The following CTNND2 variants were observed in gnomAD, a reference collection of about 807,000 sequenced individuals.
CTNND2 encodes the protein catenin delta-2.
CTNND2 carries 22 observed loss-of-function variants against 144.4 expected under a neutral mutation model. That is an observed-to-expected ratio of 0.15 (90% CI 0.11 to 0.22). CTNND2 has a LOEUF of 0.22. Ranked by LOEUF, CTNND2 falls within the 10% of genes least tolerant of loss-of-function variation. CTNND2 has a pLI of 1.00. For synonymous variants in CTNND2, 751 were observed against 695.6 expected (o/e 1.08, Z -1.25); for missense variants, 1,353 against 1,618.8 (o/e 0.84, Z 2.82).
intron 10 of CTNND2, among the ~76,000 whole-genome samples, chr5:11,231,563 T>G (rs959177682): frequency 1.3e-5 from 2 of 152,126 alleles, no homozygotes; most frequent in African/African-American, 4.8e-5. Flanking sequence ...GCTCTAGAGA[T>G]CTGTGGAGCT....
At chr5:11,587,503 A>G (rs539235136) in intron 2 of CTNND2, among the ~76,000 whole-genome samples, 1 of 152,046 alleles carries the variant, frequency 6.6e-6, no homozygotes, top group Non-Finnish European at 1.5e-5. Context: ...GGCAATTAAC[A>G]TATTAAAACA....
intron 2 of CTNND2, among the ~76,000 whole-genome samples, chr5:11,701,538 GAATT>G (rs1047753328): frequency 2.6e-5 from 4 of 152,132 alleles, no homozygotes; most frequent in Admixed American, 6.6e-5. Context: ...ATGAAATACA[GAATT>G]ATTAATGAGT....
intron 3 of CTNND2, among the ~76,000 whole-genome samples, chr5:11,468,866 T>G (rs970003310): frequency 6.6e-6 from 1 of 152,140 alleles, no homozygotes; most frequent in East Asian, 1.9e-4. Flanking sequence ...GTGGGATTCT[T>G]GCACGATCAA....
chr5:11,421,361 A>T (rs1262259364), intron 3 of CTNND2, among the ~76,000 whole-genome samples: 1 of 152,048 alleles, frequency 6.6e-6, no homozygotes. Context: ...CCTGTCACAC[A>T]CCTGCTTCTT....
At chr5:11,533,069 G>A (rs553910130) in intron 3 of CTNND2, among the ~76,000 whole-genome samples, 18 of 152,310 alleles carry the variant, frequency 1.2e-4, no homozygotes, top group Non-Finnish European at 1.9e-4. Flanking sequence ...CCCAGGGGGC[G>A]GAGAAGAGGA....
chr5:11,119,466 C>A (rs1218866705), intron 12 of CTNND2, among the ~76,000 whole-genome samples: 3 of 152,150 alleles, frequency 2.0e-5, no homozygotes, highest in African/African-American at 7.2e-5. Flanking sequence ...TAAATTCCAT[C>A]CTGTGATGGC....
At chr5:11,754,645 G>A (rs1272596787) in intron 1 of CTNND2, among the ~76,000 whole-genome samples, 2 of 151,684 alleles carry the variant, frequency 1.3e-5, no homozygotes, top group Admixed American at 6.6e-5. Flanking sequence ...CTCCTGTCTT[G>A]GGTGCATATA....
intron 2 of CTNND2, among the ~76,000 whole-genome samples, chr5:11,610,828 A>C (rs958170420): frequency 3.1e-4 from 47 of 152,204 alleles, no homozygotes; most frequent in African/African-American, 1.1e-3. Context: ...GGTAGAAAAC[A>C]ATATTTTTTA....
chr5:11,775,712 G>A (rs1201242068), intron 1 of CTNND2, among the ~76,000 whole-genome samples: 1 of 152,246 alleles, frequency 6.6e-6, no homozygotes, highest in African/African-American at 2.4e-5. Flanking sequence ...GGGACTCTGA[G>A]TAGAGTATGT....
At chr5:11,584,635 T>C (rs1040354620) in intron 2 of CTNND2, among the ~76,000 whole-genome samples, 2 of 152,154 alleles carry the variant, frequency 1.3e-5, no homozygotes, top group Admixed American at 6.5e-5. Flanking sequence ...TAATTAAACA[T>C]ATCAAAGGTA....
chr5:11,901,771 T>C (rs1048123709), intron 1 of CTNND2, among the ~76,000 whole-genome samples: 1 of 152,196 alleles, frequency 6.6e-6, no homozygotes, highest in African/African-American at 2.4e-5. Flanking sequence ...ATATGTAGTT[T>C]TTCACATGCC....
intron 15 of CTNND2, among the ~76,000 whole-genome samples, chr5:11,087,473 C>G (rs1188514637): frequency 1.3e-5 from 2 of 152,162 alleles, no homozygotes; most frequent in African/African-American, 2.4e-5. Flanking sequence ...GGTTCCTGCT[C>G]TAGGATTTAT....
chr5:11,868,239 C>T (rs555055337), intron 1 of CTNND2, among the ~76,000 whole-genome samples: 19 of 152,192 alleles, frequency 1.2e-4, no homozygotes, highest in Middle Eastern at 3.4e-3. Flanking sequence ...GGACTCCTGC[C>T]TCTGCTCTGT....
intron 11 of CTNND2, among the ~76,000 whole-genome samples, chr5:11,182,152 GGT>G (rs1438517377): frequency 3.6e-5 from 5 of 139,996 alleles, no homozygotes; most frequent in African/African-American, 5.3e-5. Flanking sequence ...GTGTGGATGG[GGT>G]GTGTGTGTGG....
intron 1 of CTNND2, among the ~76,000 whole-genome samples, chr5:11,788,023 A>G (rs1461837019): frequency 1.3e-5 from 2 of 152,196 alleles, no homozygotes; most frequent in Non-Finnish European, 1.5e-5. Context: ...ATCCAATGAT[A>G]TTTCATTGTT....
In CTNND2 at chr5:11,773,726, G is replaced by A. The variant is rs200756710; in HGVS notation, c.38-41454C>T. On this transcript the variant is annotated intron_variant, in intron 1 of 21. Coordinates refer to ENST00000304623, the MANE Select transcript of CTNND2 (RefSeq NM_001332.4). ...TTTGGGTGGCTGAGGCAGAAGAATC[G>A]CTTGAACCCGGGAGGCGGAGGTTGC... Among the ~76,000 whole-genome samples the A allele has an allele frequency of 7.3e-5, 11 of 150,620 alleles. No homozygotes were observed. The East Asian group carries it at 2.0e-3, about 27-fold the overall frequency.
chr5:11,855,375 G>T (rs979327881), intron 1 of CTNND2, among the ~76,000 whole-genome samples: 2 of 152,142 alleles, frequency 1.3e-5, no homozygotes, highest in African/African-American at 4.8e-5. Context: ...GAGACCAATT[G>T]TAGGATTAGC....
intron 3 of CTNND2, among the ~76,000 whole-genome samples, chr5:11,444,740 T>C (rs1042513356): frequency 7.9e-5 from 12 of 152,124 alleles, no homozygotes; most frequent in African/African-American, 2.9e-4. Context: ...ATGGTGTCAA[T>C]GTATTTGAAG....
chr5:11,492,081 C>A (rs1769441723), intron 3 of CTNND2, among the ~76,000 whole-genome samples: 1 of 152,190 alleles, frequency 6.6e-6, no homozygotes, highest in Admixed American at 6.5e-5. Context: ...CCGGGTATAG[C>A]ATTCAAAGCT....
Sources: gnomAD v4.1 joint callset for allele counts (sites outside exome capture counted in the v4.1 genomes callset) on GRCh38, gnomAD v4.1.1 for gene constraint, MANE v1.5 for transcripts, NCBI Gene and HGNC (gene_info 2026-07-23, HGNC 2026-07-21) for gene names.